Variants in EIF2AK1 observed in about 807,000 individuals in gnomAD.
EIF2AK1 encodes the protein eukaryotic translation initiation factor 2 alpha kinase 1.
EIF2AK1 carries 54 observed loss-of-function variants against 77.9 expected under a neutral mutation model. That is an observed-to-expected ratio of 0.69 (90% CI 0.56 to 0.87). The LOEUF (loss-of-function observed/expected upper bound fraction) is 0.87. Ranked by LOEUF, EIF2AK1 falls within the 40% of genes least tolerant of loss-of-function variation. The pLI is 0.00. For synonymous variants in EIF2AK1, 314 were observed against 290.5 expected, an observed-to-expected ratio of 1.08 and a Z score of -0.82; for missense variants, 810 against 768.6, an observed-to-expected ratio of 1.05 and a Z score of -0.64.
In EIF2AK1 at chr7:6,044,561, C is replaced by T; in HGVS notation, c.730+1G>A. The T allele has an allele frequency of 3.1e-6, 5 of 1,612,410 alleles. No individual in the cohort carries two copies. Among genetic ancestry groups the T allele is most frequent in the Non-Finnish European group, 4.2e-6 (5 of 1,178,976 alleles). ...CTACCATACCATCAAAAACGGCTTA[C>T]CTCGTGGCTGAATCACATGAACATG... On this transcript the variant is annotated splice_donor_variant, in intron 7 of 14. Coordinates refer to ENST00000199389, the MANE Select transcript of EIF2AK1 (RefSeq NM_014413.4). LOFTEE classifies it high-confidence loss of function.
intron 9 of EIF2AK1, among the ~76,000 whole-genome samples, chr7:6,040,457 T>C (rs1426874878): frequency 1.3e-5 from 2 of 152,090 alleles, no homozygotes; most frequent in East Asian, 1.9e-4. Context: ...AACAAGAGCC[T>C]CCTGAAAACT....
At chr7:6,038,805 C>A (rs1788183389) in intron 9 of EIF2AK1, 134 bp from the exon 10 acceptor site, 3 of 613,012 alleles carry the variant, frequency 4.9e-6, no homozygotes, top group Non-Finnish European at 7.8e-6. Flanking sequence ...CCTGTGTGGA[C>A]TTCTCTTTGC....
chr7:6,048,036 T>A (rs912558155), intron 4 of EIF2AK1: 1 of 152,212 alleles, frequency 6.6e-6, no homozygotes, highest in Non-Finnish European at 1.5e-5. Context: ...CTTAAATTTC[T>A]TAATGATGTA....
chr7:6,028,398 T>C (rs1250017108), intron 13 of EIF2AK1, among the ~76,000 whole-genome samples: 1 of 152,178 alleles, frequency 6.6e-6, no homozygotes, highest in African/African-American at 2.4e-5. Flanking sequence ...ACTACAGGCA[T>C]GTGCCATCGC....
intron 14 of EIF2AK1, among the ~76,000 whole-genome samples, chr7:6,025,116 G>C (rs931805744): frequency 1.3e-5 from 2 of 152,088 alleles, no homozygotes; most frequent in African/African-American, 2.4e-5. Context: ...TGGAATTACA[G>C]GTGTGAGCCA....
At position 6,054,667 on chromosome 7, in the gene EIF2AK1, T is replaced by G; in HGVS notation, c.156A>C (p.Glu52Asp). 6.2e-7 allele frequency: 1 copy of G among 1,614,000 alleles called. No homozygotes were observed. The highest frequency in any genetic ancestry group is 1.1e-5 in the South Asian group (1 of 91,064). The change falls in exon 2 of 15, where the codon GAA becomes GAC. Residue 52 changes from glutamate (E) to aspartate (D), a missense_variant. Physicochemically the swap from Glu to Asp is conservative, Grantham distance 45. Around this residue, in one of 3 missense-constraint regions of EIF2AK1, gnomAD observed 246 missense variants for 199.0 expected, o/e 1.24. Transcript: ENST00000199389. ...DVPAEIQVLK[E>D]PLQQPTFPFA... Reference sequence around the variant, plus strand: ...AAGGGAAGGTTGGCTGTTGTAGGGGTTCTTTTAACACCTGGATTTCTGCTG... The same window carrying G: ...AAGGGAAGGTTGGCTGTTGTAGGGGGTCTTTTAACACCTGGATTTCTGCTG...
At chr7:6,058,303 G>A in intron 1 of EIF2AK1, 1 of 374,130 alleles carries the variant, frequency 2.7e-6, no homozygotes, top group South Asian at 2.0e-5. Context: ...TGTGGTCCCA[G>A]CTACTCGGGA....
chr7:6,052,821 C>A (rs1304061458), intron 2 of EIF2AK1, among the ~76,000 whole-genome samples: 1 of 151,760 alleles, frequency 6.6e-6, no homozygotes, highest in Non-Finnish European at 1.5e-5. Context: ...CAAAAATTAC[C>A]CGGGCATGGT....
chr7:6,033,286 C>A lies in EIF2AK1; in HGVS notation c.1332+4138G>T, dbSNP rs1170428319. ...CACCCAGCTTCACTGACAATCATTT[C>A]TAAGTGAGGATATACCTGATATAGA... On this transcript the variant is annotated intron_variant, in intron 11 of 14. Coordinates refer to ENST00000199389, the MANE Select transcript of EIF2AK1 (RefSeq NM_014413.4). The surrounding 1 kb of genome is among the most constrained non-coding windows in gnomAD (Gnocchi z 4.4). Among the ~76,000 whole-genome samples, 1 of 152,134 alleles carries A rather than the reference C, an allele frequency of 6.6e-6. No individual in the cohort carries two copies. Among genetic ancestry groups the A allele is most frequent in the African/African-American group, 2.4e-5 (1 of 41,430 alleles).
chr7:6,026,496 C>T (rs1172418351), intron 14 of EIF2AK1: 1 of 677,652 alleles, frequency 1.5e-6, no homozygotes, highest in South Asian at 1.5e-5. Flanking sequence ...CCAGCAGATA[C>T]CTCCTGTGCC....
Position 6,048,974 on chromosome 7 carries a change from A to G in EIF2AK1, c.412-130T>C, listed in dbSNP as rs1388940990. On this transcript the variant is annotated intron_variant, in intron 3 of 14. Transcript: ENST00000199389. The stretch of plus-strand genomic sequence containing the variant: ...TATTTTAAAAACCACTGGCTTTTTC[A>G]GTATTACTTAAGAGTTTACAACTGA... 4 of 615,104 alleles carry G rather than the reference A, an allele frequency of 6.5e-6. No homozygotes were observed. In the African/African-American group the frequency reaches 7.5e-5, roughly 12 times the overall value. The allele number at this position is 615,104 out of a possible 1,614,324, so 38.1% of individuals were successfully genotyped here. A position where few individuals can be genotyped will look rare whatever the true frequency, so the allele number is the denominator to read the frequency against.
At chr7:6,052,860 G>A (rs1205310541) in intron 2 of EIF2AK1, among the ~76,000 whole-genome samples, 8 of 152,076 alleles carry the variant, frequency 5.3e-5, no homozygotes, top group Non-Finnish European at 1.2e-4. Context: ...CTACTCGGGA[G>A]GGTGAGGCAG....
chr7:6,052,389 A>G (rs1788631630), intron 2 of EIF2AK1, among the ~76,000 whole-genome samples: 1 of 151,414 alleles, frequency 6.6e-6, no homozygotes, highest in Non-Finnish European at 1.5e-5. Flanking sequence ...CCCACCTCCC[A>G]CCACATATGC....
intron 2 of EIF2AK1, among the ~76,000 whole-genome samples, chr7:6,053,273 T>C (rs1788658410): frequency 6.6e-6 from 1 of 152,212 alleles, no homozygotes; most frequent in South Asian, 2.1e-4. Context: ...ACATGTGATG[T>C]GTAATAATCA....
Position 6,032,832 on chromosome 7 carries a change from T to C in EIF2AK1, c.1333-3800A>G, listed in dbSNP as rs1381802278. On this transcript the variant is annotated intron_variant, in intron 11 of 14. Transcript: ENST00000199389. This position sits in a 1 kb window ranked among gnomAD's most constrained non-coding sequence, Gnocchi z 4.3. ...CACTTGTAATGTGTTTTGTTTTCCC[T>C]CCAAAGCCGACAGAGTCTATCATCC... The C allele has an allele frequency of 6.5e-7, 1 of 1,550,006 alleles. No individual in the cohort carries two copies. The highest frequency in any genetic ancestry group is 1.2e-5 in the South Asian group (1 of 84,034).
chr7:6,033,118 G>A lies in EIF2AK1; in HGVS notation c.1333-4086C>T, dbSNP rs563968327. Among the ~76,000 whole-genome samples, 11 of 152,174 alleles carry A rather than the reference G, an allele frequency of 7.2e-5. No individual in the cohort carries two copies. Among genetic ancestry groups the A allele is most frequent in the African/African-American group, 2.2e-4 (9 of 41,528 alleles). On this transcript the variant is annotated intron_variant, in intron 11 of 14. Transcript: ENST00000199389. The surrounding 1 kb of genome is among the most constrained non-coding windows in gnomAD (Gnocchi z 4.4). ...CGAGTAGCTGGGATTACAGGTGTGC[G>A]TCACCATGCCCAGCTAACATTTGTA...
intron 2 of EIF2AK1, among the ~76,000 whole-genome samples, chr7:6,053,227 T>C (rs1490589183): frequency 6.6e-6 from 1 of 152,146 alleles, no homozygotes; most frequent in African/African-American, 2.4e-5. Flanking sequence ...GGTAGATGTA[T>C]ATATTTATGG....
At chr7:6,028,220 T>G (rs907446351) in intron 13 of EIF2AK1, among the ~76,000 whole-genome samples, 1 of 151,962 alleles carries the variant, frequency 6.6e-6, no homozygotes, top group Non-Finnish European at 1.5e-5. Flanking sequence ...AAAACATCTC[T>G]ATGACAGAGC....
intron 5 of EIF2AK1, chr7:6,046,360 C>G: frequency 6.2e-6 from 2 of 322,528 alleles, no homozygotes; most frequent in South Asian, 2.3e-4. Context: ...AAGCTCTAGG[C>G]TGAAGAACGG....
Sources: gnomAD v4.1 joint callset for allele counts (sites outside exome capture counted in the v4.1 genomes callset) on GRCh38, gnomAD v4.1.1 for gene constraint, gnomAD v4.1.1 regional missense constraint, Gnocchi (gnomAD v3.1) non-coding constraint, MANE v1.5 for transcripts, NCBI Gene and HGNC (gene_info 2026-07-23, HGNC 2026-07-21) for gene names.